ITPR1: variants seen among roughly 807,000 people sequenced by gnomAD.
ITPR1 encodes the protein inositol 1,4,5-trisphosphate-gated calcium channel ITPR1.
ITPR1 carries 96 observed loss-of-function variants against 318.4 expected under a neutral mutation model. The ratio of observed to expected loss-of-function variants is 0.30; its 90% CI spans 0.26 to 0.36. ITPR1 has a LOEUF of 0.36. Ranked by LOEUF, ITPR1 falls within the 10% of genes least tolerant of loss-of-function variation. The pLI is 1.00. For synonymous variants in ITPR1, 1,312 were observed against 1,289.9 expected, an observed-to-expected ratio of 1.02 and a Z score of -0.37; for missense variants, 2,440 against 3,460.2, an observed-to-expected ratio of 0.71 and a Z score of 7.40.
chr3:4,623,927 G>C (rs566624523), intron 4 of ITPR1, among the ~76,000 whole-genome samples: 287 of 152,328 alleles, frequency 1.9e-3, no homozygotes, highest in Non-Finnish European at 3.5e-3. Context: ...GTTGGAGCAA[G>C]GCTTTGGTTG....
intron 44 of ITPR1, chr3:4,750,427 A>T (rs973556927): frequency 4.6e-5 from 7 of 151,216 alleles, no homozygotes; most frequent in African/African-American, 1.2e-4. Context: ...GTCATGCTGC[A>T]TTTTTTTTTG....
intron 18 of ITPR1, among the ~76,000 whole-genome samples, chr3:4,668,693 C>T (rs994786753): frequency 1.9e-4 from 29 of 152,152 alleles, no homozygotes; most frequent in Non-Finnish European, 4.4e-5. Flanking sequence ...GTCTTGAACT[C>T]CTGACCTCGT....
At chr3:4,829,255 A>G (rs1239157932) in intron 60 of ITPR1, among the ~76,000 whole-genome samples, 3 of 152,232 alleles carry the variant, frequency 2.0e-5, no homozygotes, top group African/African-American at 7.2e-5. Context: ...TCTTCTTATT[A>G]CAGGCCATTG....
chr3:4,673,487 G>C, intron 21 of ITPR1, 100 bp downstream of exon 21: 1 of 1,226,812 alleles, frequency 8.2e-7, no homozygotes, highest in Non-Finnish European at 1.1e-6. Context: ...TGAAGTGTTG[G>C]TTTTTTCTTC....
Position 4,662,183 on chromosome 3 carries a change from G to C in ITPR1, c.1353G>C (p.Lys451Asn), listed in dbSNP as rs2093849179. 6.2e-7 allele frequency: 1 copy of C among 1,613,028 alleles called. No homozygotes were observed. The highest frequency in any genetic ancestry group is 8.5e-7 in the Non-Finnish European group (1 of 1,179,276). Residue 451 changes from lysine (K) to asparagine (N), a missense_variant, in exon 15 of 62, where the codon AAG becomes AAC. Transcript: ENST00000649015. ...TGGACTTTGCCAATGATGCCAGCAA[G>C]GTGCTGGGCTCCATTGCTGGGAAGC... is the stretch of plus-strand genomic sequence containing the variant. ...RDLDFANDASKVLGSIAGKLE... is the reference protein window; with the variant it reads ...RDLDFANDASNVLGSIAGKLE...
chr3:4,677,140 T>C (rs563371939), intron 24 of ITPR1, among the ~76,000 whole-genome samples: 10 of 152,262 alleles, frequency 6.6e-5, no homozygotes, highest in African/African-American at 2.4e-4. Flanking sequence ...CATAACTAGG[T>C]TCAGGGTTCC....
At chr3:4,789,014 G>GT (rs1333733989) in intron 52 of ITPR1, among the ~76,000 whole-genome samples, 2 of 152,166 alleles carry the variant, frequency 1.3e-5, no homozygotes, top group African/African-American at 2.4e-5. Flanking sequence ...AGTGCTGTCT[G>GT]TTTTTTCTTC....
intron 4 of ITPR1, among the ~76,000 whole-genome samples, chr3:4,616,598 A>C (rs1343555638): frequency 3.3e-5 from 5 of 152,172 alleles, no homozygotes; most frequent in African/African-American, 1.2e-4. Flanking sequence ...ATGCTGGCTG[A>C]ATGAAGAATT....
At position 4,516,602 on chromosome 3, in the gene ITPR1, TTGTG is replaced by T; in HGVS notation, c.92+22_92+25del. ...CCTTGGGGTAAGAGCATGCAATTTC[TTGTG>T]TGGCACGGTTTGTTTAAGACATCAT... is the stretch of plus-strand genomic sequence containing the variant. On this transcript the variant is annotated intron_variant, in intron 3 of 61. Transcript: ENST00000649015. The T allele has an allele frequency of 6.8e-7, 1 of 1,473,692 alleles. No individual in the cohort carries two copies. The highest frequency in any genetic ancestry group is 9.4e-7 in the Non-Finnish European group (1 of 1,058,360). The allele number at this position is 1,473,692 out of a possible 1,614,324, so 91.3% of individuals were successfully genotyped here. A position where few individuals can be genotyped will look rare whatever the true frequency, so the allele number is the denominator to read the frequency against.
intron 42 of ITPR1, among the ~76,000 whole-genome samples, chr3:4,728,538 A>G (rs1413869301): frequency 2.7e-5 from 4 of 149,610 alleles, no homozygotes; most frequent in Admixed American, 1.3e-4. Context: ...AAATACACAC[A>G]TCATGGAGAA....
chr3:4,691,020 A>G, intron 31 of ITPR1, 124 bp from the exon 32 acceptor site: 1 of 556,772 alleles, frequency 1.8e-6, no homozygotes, highest in Non-Finnish European at 3.0e-6. Flanking sequence ...AGAGAAACAT[A>G]TCTTCATGGG....
chr3:4,584,545 CAG>C (rs1032440311), intron 4 of ITPR1, among the ~76,000 whole-genome samples: 1 of 129,710 alleles, frequency 7.7e-6, no homozygotes, highest in African/African-American at 2.9e-5. Context: ...TCTCTTTGCC[CAG>C]AGAGTTAGTG....
At chr3:4,781,444 A>T (rs1205373216) in intron 49 of ITPR1, among the ~76,000 whole-genome samples, 1 of 152,182 alleles carries the variant, frequency 6.6e-6, no homozygotes, top group Non-Finnish European at 1.5e-5. Flanking sequence ...AAGGATTCAG[A>T]TATGAGCAGA....
chr3:4,622,474 AG>A (rs1396057298), intron 4 of ITPR1, among the ~76,000 whole-genome samples: 2 of 150,996 alleles, frequency 1.3e-5, no homozygotes, highest in Non-Finnish European at 1.5e-5. Flanking sequence ...GCCAGGCTGG[AG>A]TGCAATGGTG....
Position 4,641,329 on chromosome 3 carries a change from C to G in ITPR1, c.367-764C>G, listed in dbSNP as rs1055186299. Among the ~76,000 whole-genome samples the G allele has an allele frequency of 3.3e-5, 5 of 152,142 alleles. No homozygotes were observed. The East Asian group carries it at 9.6e-4, about 29-fold the overall frequency. On this transcript the variant is annotated intron_variant, in intron 6 of 61. Transcript: ENST00000649015. ...AGAATAAAGTACTTGGAAATTCAAG[C>G]CATTTTTTCCAAATGAAATGACAAT...
chr3:4,657,440 C>G (rs17041125), intron 12 of ITPR1, among the ~76,000 whole-genome samples: 5,995 of 143,490 alleles, frequency 0.042, 232 homozygotes, highest in East Asian at 0.11. Flanking sequence ...CCACGGTCAT[C>G]TCTTAGTGTA....
In ITPR1 at chr3:4,711,747, C is replaced by G. The variant is rs1489889242; in HGVS notation, c.4992-10C>G. 1.4e-6 allele frequency: 2 copies of G among 1,455,146 alleles called. No homozygotes were observed. The highest frequency in any genetic ancestry group is 1.9e-6 in the Non-Finnish European group (2 of 1,059,530). The allele number at this position is 1,455,146 out of a possible 1,614,324, so 90.1% of individuals were successfully genotyped here. A position where few individuals can be genotyped will look rare whatever the true frequency, so the allele number is the denominator to read the frequency against. On this transcript the variant is annotated splice_polypyrimidine_tract_variant and intron_variant, in intron 38 of 61. Coordinates refer to ENST00000649015, the MANE Select transcript of ITPR1 (RefSeq NM_001378452.1). ...TCAAGGAAGTAATCCGTGGTTTTCC[C>G]CCCATTCAGGTTAATAAAGCATACA...
chr3:4,576,590 C>A (rs557493000), intron 4 of ITPR1, among the ~76,000 whole-genome samples: 10 of 152,256 alleles, frequency 6.6e-5, no homozygotes, highest in African/African-American at 2.4e-4. Flanking sequence ...TATCTAGAAA[C>A]AATAAATATG....
At chr3:4,553,094 A>G (rs961367369) in intron 4 of ITPR1, among the ~76,000 whole-genome samples, 9 of 152,186 alleles carry the variant, frequency 5.9e-5, no homozygotes, top group African/African-American at 1.7e-4. Context: ...TATAAAGAAT[A>G]GATGAGGTGC....
Sources: allele counts gnomAD v4.1 joint callset (sites outside exome capture counted in the v4.1 genomes callset), GRCh38; gene constraint gnomAD v4.1.1; transcripts MANE v1.5; gene names NCBI Gene and HGNC (gene_info 2026-07-23, HGNC 2026-07-21).